The following RXFP1 variants were observed in gnomAD, a reference collection of about 807,000 sequenced individuals.
RXFP1 encodes relaxin receptor 1.
Under a neutral mutation model 89.8 loss-of-function variants are expected in RXFP1, and 73 were observed. The observed-to-expected ratio is 0.81, with a 90% CI of 0.67 to 0.99. The LOEUF (loss-of-function observed/expected upper bound fraction) is 0.99. Among genes scored for constraint, RXFP1 ranks in the 50% least tolerant of loss-of-function variants. RXFP1 has a pLI of 0.00. For synonymous variants in RXFP1, 277 were observed against 305.5 expected (o/e 0.91, Z 0.97); for missense variants, 793 against 895.5 (o/e 0.89, Z 1.46).
At chr4:158,535,405 G>A (rs1474642091) in intron 1 of RXFP1, among the ~76,000 whole-genome samples, 2 of 152,240 alleles carry the variant, frequency 1.3e-5, no homozygotes, top group African/African-American at 4.8e-5. Context: ...TAAAATGTGA[G>A]AAACTGAAAG....
intron 1 of RXFP1, among the ~76,000 whole-genome samples, chr4:158,553,933 A>C (rs962459538): frequency 4.4e-4 from 67 of 152,262 alleles, no homozygotes; most frequent in African/African-American, 1.5e-3. Flanking sequence ...ATTATTCGCC[A>C]ATGCTTTGTT....
rs76124172 is a variant in RXFP1 at position 158,624,945 on chromosome 4, C to A, written c.756-1875C>A. Among the ~76,000 whole-genome samples, 354 of 152,254 alleles carry A rather than the reference C, an allele frequency of 2.3e-3. 10 individuals are homozygous for A. The East Asian group carries it at 0.057, about 25-fold the overall frequency. ...GTCCTAATTTGTGCCCCAATATGTGCCTCTTTTTGATTTTCACAAATTAGT... is the reference window on the plus strand; with the variant it reads ...GTCCTAATTTGTGCCCCAATATGTGACTCTTTTTGATTTTCACAAATTAGT... On this transcript the variant is annotated intron_variant, in intron 9 of 17. Coordinates refer to ENST00000307765, the MANE Select transcript of RXFP1 (RefSeq NM_021634.4).
At chr4:158,524,370 A>G (rs1029047917) in intron 1 of RXFP1, among the ~76,000 whole-genome samples, 3 of 152,148 alleles carry the variant, frequency 2.0e-5, no homozygotes, top group African/African-American at 7.2e-5. Flanking sequence ...AAAAATACCT[A>G]TGCATGCCAG....
At chr4:158,529,615 C>T (rs1357010012) in intron 1 of RXFP1, among the ~76,000 whole-genome samples, 2 of 152,220 alleles carry the variant, frequency 1.3e-5, no homozygotes, top group African/African-American at 2.4e-5. Context: ...TGCTTCTTTC[C>T]CAGATTGTCT....
chr4:158,604,866 T>A (rs1762296047), intron 4 of RXFP1, among the ~76,000 whole-genome samples: 2 of 152,106 alleles, frequency 1.3e-5, no homozygotes, highest in South Asian at 2.1e-4. Flanking sequence ...ACCAAAATTT[T>A]AAAAAAATGA....
intron 1 of RXFP1, among the ~76,000 whole-genome samples, chr4:158,529,879 A>T (rs545882493): frequency 1.2e-4 from 18 of 152,162 alleles, no homozygotes; most frequent in Non-Finnish European, 2.2e-4. Context: ...TTCCCTAATA[A>T]ATACTTCCTC....
chr4:158,642,948 G>T (rs1770670052), intron 14 of RXFP1, among the ~76,000 whole-genome samples: 1 of 152,170 alleles, frequency 6.6e-6, no homozygotes, highest in Non-Finnish European at 1.5e-5. Context: ...GTAGCTTGAG[G>T]AAGCCATGTT....
intron 2 of RXFP1, among the ~76,000 whole-genome samples, chr4:158,582,206 C>T (rs1348430974): frequency 2.6e-5 from 4 of 152,194 alleles, no homozygotes; most frequent in Admixed American, 2.6e-4. Flanking sequence ...ACATGACAAT[C>T]ATTTCAAGTT....
upstream of RXFP1, chr4:158,521,879 G>A: frequency 1.4e-6 from 1 of 699,110 alleles, no homozygotes; most frequent in Non-Finnish European, 2.5e-6. Context: ...TAAGATTGCA[G>A]ACAGAAATAG....
intron 13 of RXFP1, among the ~76,000 whole-genome samples, chr4:158,638,436 G>T (rs1769657696): frequency 6.6e-6 from 1 of 152,032 alleles, no homozygotes; most frequent in African/African-American, 2.4e-5. Context: ...GAATATGCTA[G>T]ATTATATAAA....
At chr4:158,651,664 A>G in intron 17 of RXFP1, 93 bp from the exon 18 acceptor site, 1 of 965,796 alleles carries the variant, frequency 1.0e-6, no homozygotes, top group Non-Finnish European at 1.5e-6. Context: ...TCAAAACTCA[A>G]AAAGGGGTTG....
chr4:158,622,944 C>T (rs1354485349), intron 9 of RXFP1, among the ~76,000 whole-genome samples: 2 of 152,054 alleles, frequency 1.3e-5, no homozygotes, highest in Non-Finnish European at 2.9e-5. Context: ...TACTGTATAT[C>T]GAAACAGGCT....
chr4:158,646,490 C>T, intron 15 of RXFP1: 2 of 1,258,386 alleles, frequency 1.6e-6, no homozygotes, highest in Non-Finnish European at 1.0e-6. Flanking sequence ...TTATTCGACA[C>T]TTCTATGTGA....
chr4:158,579,499 C>T (rs1255016617), intron 2 of RXFP1, among the ~76,000 whole-genome samples: 5 of 152,134 alleles, frequency 3.3e-5, no homozygotes, highest in African/African-American at 1.2e-4. Flanking sequence ...CTCTTGACCT[C>T]GTGATCCGCC....
intron 1 of RXFP1, among the ~76,000 whole-genome samples, chr4:158,551,862 G>T (rs1750217929): frequency 6.6e-6 from 1 of 152,030 alleles, no homozygotes; most frequent in Admixed American, 6.6e-5. Flanking sequence ...GATTGCTTGA[G>T]CCCAGGAGGT....
chr4:158,607,954 TAATAATCA>T lies in RXFP1; in HGVS notation c.465-17_465-10del. 6.4e-7 allele frequency: 1 copy of T among 1,561,104 alleles called. No individual in the cohort carries two copies. The highest frequency in any genetic ancestry group is 1.8e-5 in the Admixed American group (1 of 54,952). On this transcript the variant is annotated splice_polypyrimidine_tract_variant and intron_variant, in intron 5 of 17. Transcript: ENST00000307765. ...ACTCTGCTTCATTTTTTTTTCTTTT[TAATAATCA>T]TTTTCACAGGTACCTGCAAAACAAT...
chr4:158,609,565 C>T (rs1400682397), intron 6 of RXFP1, among the ~76,000 whole-genome samples: 1 of 152,154 alleles, frequency 6.6e-6, no homozygotes, highest in African/African-American at 2.4e-5. Context: ...TGTTCTGTAT[C>T]CTAACGCAAG....
At chr4:158,533,692 C>A (rs1449948221) in intron 1 of RXFP1, among the ~76,000 whole-genome samples, 1 of 152,144 alleles carries the variant, frequency 6.6e-6, no homozygotes, top group Non-Finnish European at 1.5e-5. Flanking sequence ...TATTTGGATT[C>A]TAACTCAAAT....
chr4:158,548,527 T>G (rs1173250804), intron 1 of RXFP1, among the ~76,000 whole-genome samples: 1 of 152,252 alleles, frequency 6.6e-6, no homozygotes, highest in Non-Finnish European at 1.5e-5. Context: ...CGTTAGTTGA[T>G]GCAGTTTCTT....
Sources: allele counts gnomAD v4.1 joint callset (sites outside exome capture counted in the v4.1 genomes callset), GRCh38; gene constraint gnomAD v4.1.1; transcripts MANE v1.5; gene names NCBI Gene and HGNC (gene_info 2026-07-23, HGNC 2026-07-21).